Variants in NCAM2 observed in about 807,000 individuals in gnomAD.
The protein encoded by NCAM2 is N-CAM-2.
A neutral mutation model predicts 98.1 loss-of-function variants in NCAM2; 30 were observed. That is an observed-to-expected ratio of 0.31 (90% CI 0.23 to 0.41). The LOEUF (loss-of-function observed/expected upper bound fraction) is 0.41. NCAM2 is among the 10% of genes least tolerant of loss of function. The pLI is 1.00. For missense variants in NCAM2, 867 were observed against 1,005.8 expected, an observed-to-expected ratio of 0.86 and a Z score of 1.87; for synonymous variants, 368 against 342.4, an observed-to-expected ratio of 1.07 and a Z score of -0.83.
At chr21:21,406,559 C>G (rs1462219671) in intron 9 of NCAM2, among the ~76,000 whole-genome samples, 1 of 152,168 alleles carries the variant, frequency 6.6e-6, no homozygotes, top group African/African-American at 2.4e-5. Context: ...GTCTGTGTCA[C>G]TTTCTTGATT....
intron 1 of NCAM2, among the ~76,000 whole-genome samples, chr21:21,044,692 A>G (rs575237311): frequency 1.6e-4 from 24 of 152,330 alleles, no homozygotes; most frequent in African/African-American, 5.5e-4. Flanking sequence ...ATGGCCAGAT[A>G]TGGCAGCTCA....
intron 5 of NCAM2, among the ~76,000 whole-genome samples, chr21:21,303,737 A>G (rs1279583970): frequency 6.6e-6 from 1 of 152,098 alleles, no homozygotes; most frequent in Non-Finnish European, 1.5e-5. Context: ...AAAGCAGTGT[A>G]CGGGTATTTC....
chr21:21,057,494 T>C (rs1233974612), intron 1 of NCAM2, among the ~76,000 whole-genome samples: 2 of 152,128 alleles, frequency 1.3e-5, no homozygotes, highest in African/African-American at 2.4e-5. Context: ...CATACTTTCA[T>C]TGTACAGTGT....
At chr21:21,452,448 G>A (rs138409022) in intron 12 of NCAM2, among the ~76,000 whole-genome samples, 40 of 139,800 alleles carry the variant, frequency 2.9e-4, no homozygotes, top group African/African-American at 9.5e-4. Context: ...TTACATTGTC[G>A]GGGGGGAAGA....
chr21:21,177,188 A>G (rs2068319619), intron 1 of NCAM2, among the ~76,000 whole-genome samples: 1 of 152,102 alleles, frequency 6.6e-6, no homozygotes, highest in Non-Finnish European at 1.5e-5. Context: ...TTAAATGAAA[A>G]TCGTGTGTAG....
At chr21:21,013,859 G>A (rs2064256327) in intron 1 of NCAM2, among the ~76,000 whole-genome samples, 1 of 152,104 alleles carries the variant, frequency 6.6e-6, no homozygotes, top group Non-Finnish European at 1.5e-5. Flanking sequence ...ACATAAAAGT[G>A]CAAGGTGAAG....
intron 11 of NCAM2, among the ~76,000 whole-genome samples, chr21:21,426,384 A>T (rs1017032897): frequency 2.0e-5 from 3 of 152,114 alleles, no homozygotes; most frequent in Non-Finnish European, 2.9e-5. Context: ...TTATGTTCCA[A>T]TTCTTTTAGT....
intron 1 of NCAM2, among the ~76,000 whole-genome samples, chr21:21,140,694 T>G (rs2826698): frequency 0.43 from 65,552 of 151,894 alleles, 14,631 homozygotes; most frequent in African/African-American, 0.55. Flanking sequence ...TGGTTTTCTC[T>G]TCTGTCACTT....
intron 5 of NCAM2, among the ~76,000 whole-genome samples, chr21:21,308,461 GT>G (rs1038624417): frequency 2.6e-5 from 4 of 152,072 alleles, no homozygotes; most frequent in East Asian, 1.9e-4. Context: ...GTTTGCCTGA[GT>G]TTTTTTAGAT....
At chr21:21,166,279 C>T (rs2067949263) in intron 1 of NCAM2, among the ~76,000 whole-genome samples, 1 of 152,214 alleles carries the variant, frequency 6.6e-6, no homozygotes, top group Non-Finnish European at 1.5e-5. Flanking sequence ...GCCATCTCAG[C>T]TCACTGCAAC....
At chr21:21,295,178 A>G (rs1601892685) in intron 5 of NCAM2, among the ~76,000 whole-genome samples, 1 of 151,838 alleles carries the variant, frequency 6.6e-6, no homozygotes, top group East Asian at 1.9e-4. Context: ...TTGTAGGAGG[A>G]CCTGCCCTTT....
intron 1 of NCAM2, among the ~76,000 whole-genome samples, chr21:21,172,096 G>A (rs911452323): frequency 7.9e-5 from 12 of 151,836 alleles, no homozygotes; most frequent in South Asian, 6.2e-4. Context: ...AATATAGATC[G>A]TATTTTTTTT....
chr21:21,284,159 A>G (rs768648513), intron 2 of NCAM2, 35 bp from the exon 3 acceptor site: 3 of 1,536,796 alleles, frequency 2.0e-6, no homozygotes, highest in Admixed American at 3.4e-5. Flanking sequence ...ATTTTTAACA[A>G]TTTTCAAACC....
intron 1 of NCAM2, among the ~76,000 whole-genome samples, chr21:21,265,096 TAC>T (rs2072150046): frequency 5.5e-5 from 4 of 72,344 alleles, no homozygotes; most frequent in African/African-American, 2.1e-4. Context: ...ATATTATATA[TAC>T]ATATATAATA....
rs1220637696 is a variant in NCAM2, at chr21:21,534,610, A to G, written c.2356A>G (p.Ser786Gly). The change falls in exon 17 of 18, where the codon AGC becomes GGC. Residue 786 changes from serine (S) to glycine (G), a missense_variant. Physicochemically the swap from Ser to Gly is moderately conservative, Grantham distance 56. Coordinates refer to ENST00000400546, the MANE Select transcript of NCAM2 (RefSeq NM_004540.5). ...DERVTNHEDGSPVNEPNETTP... is the reference protein window; with the variant it reads ...DERVTNHEDGGPVNEPNETTP... Reference sequence around the variant, plus strand: ...AAGAGTTACTAATCACGAAGATGGGAGCCCAGTAAATGAGCCAAATGAAAC... The same window carrying G: ...AAGAGTTACTAATCACGAAGATGGGGGCCCAGTAAATGAGCCAAATGAAAC... 6.2e-7 allele frequency: 1 copy of G among 1,610,832 alleles called. No individual in the cohort carries two copies. The highest frequency in any genetic ancestry group is 1.3e-5 in the African/African-American group (1 of 74,796).
chr21:21,456,302 C>A lies in NCAM2; in HGVS notation c.1655-10304C>A, dbSNP rs965393073. On this transcript the variant is annotated intron_variant, in intron 12 of 17. Transcript: ENST00000400546. ...GTACATGCATCTTTACTACAAAAGG[C>A]CTAAGAATAAAATCTCTAATTAACC... Among the ~76,000 whole-genome samples, 8 of 151,982 alleles carry A rather than the reference C, an allele frequency of 5.3e-5. 1 individual carries two copies. Among genetic ancestry groups the A allele is most frequent in the Admixed American group, 5.3e-4 (8 of 15,230 alleles).
At chr21:21,145,943 C>A (rs1433249502) in intron 1 of NCAM2, among the ~76,000 whole-genome samples, 1 of 151,988 alleles carries the variant, frequency 6.6e-6, no homozygotes, top group Non-Finnish European at 1.5e-5. Flanking sequence ...AGAAGAAAGG[C>A]CAGGAAGCCT....
chr21:21,157,676 C>T (rs189077717), intron 1 of NCAM2, among the ~76,000 whole-genome samples: 26 of 152,086 alleles, frequency 1.7e-4, no homozygotes, highest in African/African-American at 5.5e-4. Context: ...AAAAAAACTT[C>T]GTAAAACATG....
intron 14 of NCAM2, 124 bp downstream of exon 14, chr21:21,468,907 TC>T (rs760768376): frequency 1.2e-6 from 1 of 835,984 alleles, no homozygotes; most frequent in African/African-American, 1.8e-5. Flanking sequence ...ATGCTAATCT[TC>T]CTTCCATTCC....
Sources: allele counts gnomAD v4.1 joint callset (sites outside exome capture counted in the v4.1 genomes callset), GRCh38; gene constraint gnomAD v4.1.1; transcripts MANE v1.5; gene names NCBI Gene and HGNC (gene_info 2026-07-23, HGNC 2026-07-21).